Variants in MTMR10 observed in about 807,000 individuals in gnomAD.
The protein encoded by MTMR10 is myotubularin related protein 10, also known as myotubularin-related protein 10.
A neutral mutation model predicts 88.1 loss-of-function variants in MTMR10; 56 were observed. The ratio of observed to expected loss-of-function variants is 0.64; its 90% CI spans 0.51 to 0.79. The LOEUF is 0.79. Ranked by LOEUF, MTMR10 falls within the 30% of genes least tolerant of loss-of-function variation. MTMR10 has a pLI of 0.00. For synonymous variants in MTMR10, 380 were observed against 340.9 expected, an observed-to-expected ratio of 1.11 and a Z score of -1.26; for missense variants, 883 against 924.7, an observed-to-expected ratio of 0.95 and a Z score of 0.58.
Position 30,939,515 on chromosome 15 carries a change from A to G in MTMR10, c.*1955T>C, listed in dbSNP as rs911676919. The G allele has an allele frequency of 3.1e-6, 3 of 981,428 alleles. No individual in the cohort carries two copies. The highest frequency in any genetic ancestry group is 1.2e-6 in the Non-Finnish European group (1 of 826,420). 60.8% of individuals were successfully genotyped at this position (981,428 alleles called of 1,614,324 possible). ...TAAACTGTAGCACAATAATCATGATATAACAACTGTCCAGCAAAAATAAAA... is the reference window on the plus strand; with the variant it reads ...TAAACTGTAGCACAATAATCATGATGTAACAACTGTCCAGCAAAAATAAAA... On this transcript the variant is annotated 3_prime_UTR_variant, in exon 16 of 16. Transcript: ENST00000435680.
chr15:30,928,670 C>T, the MTMR10 span: 1 of 1,613,612 alleles, frequency 6.2e-7, no homozygotes, highest in Non-Finnish European at 8.5e-7. Flanking sequence ...CTCCAGTGCC[C>T]CTGCCCCACG....
At chr15:30,952,287 C>T (rs965651736) in intron 11 of MTMR10, among the ~76,000 whole-genome samples, 2 of 152,260 alleles carry the variant, frequency 1.3e-5, no homozygotes, top group African/African-American at 4.8e-5. Context: ...CTGCTTTCTA[C>T]TGAATGCACA....
intron 6 of MTMR10, among the ~76,000 whole-genome samples, chr15:30,963,537 G>C (rs2959050): frequency 0.7 from 106,432 of 151,900 alleles, 38,406 homozygotes; most frequent in East Asian, 0.87. Context: ...ACTTGGGAGG[G>C]TGAGGCAGGA....
At chr15:30,986,032 G>A (rs916543798) in intron 2 of MTMR10, among the ~76,000 whole-genome samples, 2 of 152,122 alleles carry the variant, frequency 1.3e-5, no homozygotes, top group African/African-American at 4.8e-5. Context: ...GATGGTGGAA[G>A]GGGGCTGGGT....
chr15:30,967,486 G>A (rs1241690104), intron 6 of MTMR10, among the ~76,000 whole-genome samples: 1 of 152,130 alleles, frequency 6.6e-6, no homozygotes, highest in African/African-American at 2.4e-5. Flanking sequence ...TCTTAATGAA[G>A]TCCACAAAAA....
chr15:30,926,557 C>T, the MTMR10 span: 10 of 925,024 alleles, frequency 1.1e-5, no homozygotes, highest in African/African-American at 1.8e-4. Flanking sequence ...AGCCCAGGTT[C>T]TTTCTGATGA....
At chr15:30,925,138 C>CA in the MTMR10 span, 1 of 1,613,558 alleles carries the variant, frequency 6.2e-7, no homozygotes, top group Non-Finnish European at 8.5e-7. Flanking sequence ...CTATCAAGTG[C>CA]ATCACAGAGG....
intron 2 of MTMR10, among the ~76,000 whole-genome samples, chr15:30,979,008 G>A (rs1327381579): frequency 6.6e-6 from 1 of 152,086 alleles, no homozygotes; most frequent in Non-Finnish European, 1.5e-5. Flanking sequence ...CTGGGCCACT[G>A]AATACTCAAC....
At chr15:30,969,127 T>C (rs1230354608) in intron 5 of MTMR10, among the ~76,000 whole-genome samples, 1 of 152,170 alleles carries the variant, frequency 6.6e-6, no homozygotes, top group African/African-American at 2.4e-5. Flanking sequence ...TTGATGCACA[T>C]TTCATTAACC....
rs369453242 is a variant in MTMR10, at chr15:30,941,938, G to C, written c.1866C>G (p.Ser622Arg). Reference protein sequence around the residue: ...PKPDPAQQTDSQNSDTEQYFR... With the variant: ...PKPDPAQQTDRQNSDTEQYFR... ...AATACTGCTCCGTATCACTGTTCTG[G>C]CTGTCGGTTTGCTGAGCTGGATCTG... Residue 622 changes from serine (S) to arginine (R), a missense_variant, in exon 16 of 16, where the codon AGC becomes AGG. Physicochemically the swap from Ser to Arg is moderately radical, Grantham distance 110. This residue lies in a region of MTMR10 where 343 missense variants were observed against 323.2 expected (regional missense o/e 1.06). Transcript: ENST00000435680. 7.4e-6 allele frequency: 12 copies of C among 1,613,908 alleles called. No individual in the cohort carries two copies. Among genetic ancestry groups the C allele is most frequent in the African/African-American group, 1.3e-5 (1 of 74,918 alleles).
intron 2 of MTMR10, among the ~76,000 whole-genome samples, chr15:30,982,633 A>C (rs1488425325): frequency 1.3e-5 from 2 of 152,224 alleles, no homozygotes; most frequent in Non-Finnish European, 2.9e-5. Context: ...CAGGGGAAGA[A>C]GAAAGAAAAG....
chr15:30,927,299 G>A, the MTMR10 span: 1 of 985,484 alleles, frequency 1.0e-6, no homozygotes. Context: ...AACACTGACT[G>A]GAAATCAGGT....
chr15:30,933,159 G>A, the MTMR10 span, among the ~76,000 whole-genome samples: 3 of 151,832 alleles, frequency 2.0e-5, no homozygotes, highest in South Asian at 2.1e-4. Flanking sequence ...TGATTTTCTC[G>A]AAGAATCAGC....
chr15:30,962,459 T>C (rs1447808002), intron 6 of MTMR10, among the ~76,000 whole-genome samples: 1 of 152,234 alleles, frequency 6.6e-6, no homozygotes, highest in Admixed American at 6.5e-5. Context: ...GTGTTCATGA[T>C]GCTAGTCCCT....
chr15:30,955,513 AC>A (rs1218318692), intron 9 of MTMR10, among the ~76,000 whole-genome samples: 2 of 151,068 alleles, frequency 1.3e-5, no homozygotes, highest in African/African-American at 4.9e-5. Flanking sequence ...CTTGTGATTC[AC>A]CCCCCTTGGC....
the MTMR10 span, chr15:30,928,548 C>T: frequency 1.4e-6 from 2 of 1,432,198 alleles, no homozygotes; most frequent in South Asian, 1.2e-5. Flanking sequence ...GTGACCTTGT[C>T]TTAGGGATTC....
the MTMR10 span, chr15:30,925,190 CTG>C: frequency 3.1e-6 from 5 of 1,614,080 alleles, no homozygotes; most frequent in Non-Finnish European, 4.2e-6. Context: ...CCGCCTTTCA[CTG>C]TATCAGCGAG....
At position 30,974,969 on chromosome 15, in the gene MTMR10, T is replaced by G. The variant is rs753389511; in HGVS notation, c.293A>C (p.His98Pro). 1 of 1,578,576 alleles carries G rather than the reference T, an allele frequency of 6.3e-7. No individual in the cohort carries two copies. The highest frequency in any genetic ancestry group is 1.2e-5 in the South Asian group (1 of 86,024). Residue 98 changes from histidine (H) to proline (P), a missense_variant, in exon 4 of 16, where the codon CAC (histidine) becomes CCC (proline). Around this residue, in one of 3 missense-constraint regions of MTMR10, gnomAD observed 414 missense variants for 423.2 expected, o/e 0.98. Coordinates refer to ENST00000435680, the MANE Select transcript of MTMR10 (RefSeq NM_017762.3). ...FHYRNLLLGE[H>P]DVPLTCIEQI... ...CTCAATACATGTTAAAGGGACATCGTGTTCACCAAGAAGAAGGTTTCTGTA... is the reference window on the plus strand; with the variant it reads ...CTCAATACATGTTAAAGGGACATCGGGTTCACCAAGAAGAAGGTTTCTGTA...
intron 3 of MTMR10, among the ~76,000 whole-genome samples, chr15:30,976,397 C>T (rs749342823): frequency 1.3e-5 from 2 of 152,016 alleles, no homozygotes; most frequent in Non-Finnish European, 2.9e-5. Context: ...CAAGACAGAG[C>T]GAGATCCAGG....
Sources: allele counts gnomAD v4.1 joint callset (sites outside exome capture counted in the v4.1 genomes callset), GRCh38; gene constraint gnomAD v4.1.1; regional missense constraint gnomAD v4.1.1; transcripts MANE v1.5; gene names NCBI Gene and HGNC (gene_info 2026-07-23, HGNC 2026-07-21).